Variants in FRMD4B observed in about 807,000 individuals in gnomAD.
The protein encoded by FRMD4B is FERM domain-containing protein 4B.
In FRMD4B, 74 loss-of-function variants were observed where a neutral mutation model predicts 141.5. That is an observed-to-expected ratio of 0.52 (90% CI 0.43 to 0.63). The LOEUF is 0.63. Ranked by LOEUF, FRMD4B falls within the 30% of genes least tolerant of loss-of-function variation. The pLI is 0.00. For missense variants in FRMD4B, 1,366 were observed against 1,253.4 expected (o/e 1.09, Z -1.36); for synonymous variants, 506 against 467.9 (o/e 1.08, Z -1.05).
chr3:69,280,899 A>C (rs2093641726), intron 5 of FRMD4B, among the ~76,000 whole-genome samples: 1 of 151,904 alleles, frequency 6.6e-6, no homozygotes. Flanking sequence ...GATTACAGGC[A>C]TGAGACATCA....
chr3:69,328,936 G>T (rs1256194259), intron 1 of FRMD4B, among the ~76,000 whole-genome samples: 1 of 152,120 alleles, frequency 6.6e-6, no homozygotes, highest in Non-Finnish European at 1.5e-5. Flanking sequence ...GTGCTGCTCT[G>T]CCTATGGAGT....
chr3:69,290,784 TGA>T (rs1700847079), intron 4 of FRMD4B, among the ~76,000 whole-genome samples: 1 of 152,164 alleles, frequency 6.6e-6, no homozygotes, highest in African/African-American at 2.4e-5. Context: ...ACGCAGACTC[TGA>T]GTTTTAGAGA....
In FRMD4B at chr3:69,415,059, T is replaced by G. The variant is rs551479542; in HGVS notation, c.-1+17575A>C. On this transcript the variant is annotated intron_variant, in intron 2 of 5. Transcript: ENST00000459638. Reference sequence around the variant, plus strand: ...GTTTGTATTTTTAGTGGAGATGGGGTTTCACTATGTTGGTCAGGCTGGTGT... The same window carrying G: ...GTTTGTATTTTTAGTGGAGATGGGGGTTCACTATGTTGGTCAGGCTGGTGT... Among the ~76,000 whole-genome samples the G allele has an allele frequency of 4.6e-5, 7 of 151,680 alleles. No homozygotes were observed. The East Asian group carries it at 1.4e-3, about 30-fold the overall frequency.
intron 1 of FRMD4B, among the ~76,000 whole-genome samples, chr3:69,504,207 T>C (rs1389238926): frequency 2.0e-5 from 3 of 152,224 alleles, no homozygotes; most frequent in Non-Finnish European, 4.4e-5. Flanking sequence ...TAACATCTTA[T>C]AGGCTCAGAA....
chr3:69,186,573 A>G (rs1052014213), intron 19 of FRMD4B, among the ~76,000 whole-genome samples: 5 of 152,170 alleles, frequency 3.3e-5, no homozygotes, highest in Admixed American at 1.3e-4. Flanking sequence ...TTAGCCAGGC[A>G]TGATGGCGCG....
chr3:69,496,625 G>A (rs1351915157), intron 1 of FRMD4B, among the ~76,000 whole-genome samples: 2 of 93,310 alleles, frequency 2.1e-5, no homozygotes, highest in African/African-American at 4.8e-5. Flanking sequence ...GAGAGAGAGA[G>A]AGAGAGAGAG....
chr3:69,459,879 T>C (rs778870571), intron 1 of FRMD4B, among the ~76,000 whole-genome samples: 2 of 152,234 alleles, frequency 1.3e-5, no homozygotes, highest in Non-Finnish European at 2.9e-5. Flanking sequence ...ACTGTAGGTG[T>C]CTCTATCTAC....
chr3:69,293,916 A>G (rs1678953762), intron 4 of FRMD4B, among the ~76,000 whole-genome samples: 1 of 146,920 alleles, frequency 6.8e-6, no homozygotes, highest in Non-Finnish European at 1.5e-5. Flanking sequence ...AAATCCAAGT[A>G]TCTTTCCTAA....
chr3:69,267,862 G>T (rs2093575307), intron 5 of FRMD4B, among the ~76,000 whole-genome samples: 1 of 149,786 alleles, frequency 6.7e-6, no homozygotes, highest in South Asian at 2.1e-4. Flanking sequence ...CACACTCGTG[G>T]CCTCAAGTGA....
chr3:69,405,703 G>A lies in FRMD4B; in HGVS notation c.-1+26931C>T, dbSNP rs530208135. On this transcript the variant is annotated intron_variant, in intron 2 of 5. Transcript: ENST00000459638. ...CCGTGACGTTCTAGTTCTGCGATACGCCACAACATCTGGCTCACTCCGATA... is the reference window on the plus strand; with the variant it reads ...CCGTGACGTTCTAGTTCTGCGATACACCACAACATCTGGCTCACTCCGATA... Among the ~76,000 whole-genome samples, 15 of 152,248 alleles carry A rather than the reference G, an allele frequency of 9.9e-5. 1 individual carries two copies. The South Asian group carries it at 2.3e-3, about 23-fold the overall frequency.
intron 1 of FRMD4B, among the ~76,000 whole-genome samples, chr3:69,383,505 T>G (rs1355185753): frequency 6.6e-6 from 1 of 152,246 alleles, no homozygotes; most frequent in Non-Finnish European, 1.5e-5. Context: ...TGTGATAATG[T>G]GACACATTCA....
At position 69,344,993 on chromosome 3, in the gene FRMD4B, G is replaced by A. The variant is rs1287541263; in HGVS notation, c.163-31476C>T. 3.4e-5 allele frequency among the ~76,000 whole-genome samples: 5 copies of A among 145,844 alleles called. No homozygotes were observed. The East Asian group carries it at 8.3e-4, about 24-fold the overall frequency. On this transcript the variant is annotated intron_variant, in intron 1 of 22. Transcript: ENST00000398540. ...GGGGCTTGTAGGACAGTGGGTGCAG[G>A]ACAGTGGGTGCAGCCCACCGAGAGT...
chr3:69,311,767 G>C (rs1056139114), intron 2 of FRMD4B, among the ~76,000 whole-genome samples: 3 of 151,994 alleles, frequency 2.0e-5, no homozygotes, highest in Non-Finnish European at 4.4e-5. Context: ...CTTGTTGGTG[G>C]CCAGTTGAAG....
intron 3 of FRMD4B, among the ~76,000 whole-genome samples, chr3:69,304,418 AG>A (rs1366094455): frequency 7.2e-6 from 1 of 138,316 alleles, no homozygotes; most frequent in African/African-American, 2.7e-5. Flanking sequence ...CAGAAGGCGG[AG>A]GTTGCAGTGA....
At position 69,221,892 on chromosome 3, in the gene FRMD4B, T is replaced by C; in HGVS notation, c.697A>G (p.Ile233Val). 1 of 1,569,530 alleles carries C rather than the reference T, an allele frequency of 6.4e-7. No individual in the cohort carries two copies. Among genetic ancestry groups the C allele is most frequent in the Non-Finnish European group, 8.7e-7 (1 of 1,144,828 alleles). Residue 233 changes from isoleucine to valine, a missense_variant, in exon 9 of 23, where the codon ATC becomes GTC. Coordinates refer to ENST00000398540, the MANE Select transcript of FRMD4B (RefSeq NM_015123.3). ...EDRVIEHYLK[I>V]KGLTRGQAVV... is the part of the protein sequence containing the mutation. ...GCTTGACCTCGAGTGAGACCTTTGA[T>C]TTTCAAATAATGCTCAATTACCCTG...
Position 69,435,551 on chromosome 3 carries a change from G to A in FRMD4B, c.-128-2790C>T, listed in dbSNP as rs538848654. 1.6e-3 allele frequency among the ~76,000 whole-genome samples: 238 copies of A among 152,300 alleles called. 2 individuals carry two copies. Among genetic ancestry groups the A allele is most frequent in the Middle Eastern group, 3.4e-3 (1 of 292 alleles). On this transcript the variant is annotated intron_variant, in intron 1 of 5. Transcript: ENST00000459638. Reference sequence around the variant, plus strand: ...CTATGGCTGTTAGCGAGCTACAACTGCAGAGTTGAATAGTTGTAACAGAAA... The same window carrying A: ...CTATGGCTGTTAGCGAGCTACAACTACAGAGTTGAATAGTTGTAACAGAAA...
At chr3:69,535,539 G>C (rs1701071175) in intron 1 of FRMD4B, 2 of 170,482 alleles carry the variant, frequency 1.2e-5, no homozygotes, top group South Asian at 1.3e-4. Context: ...TGGCGGGCCA[G>C]GGCAGAAGAA....
Position 69,245,872 on chromosome 3 carries a change from T to C in FRMD4B, c.581+3354A>G, listed in dbSNP as rs187128492. On this transcript the variant is annotated intron_variant, in intron 7 of 22. Coordinates refer to ENST00000398540, the MANE Select transcript of FRMD4B (RefSeq NM_015123.3). ...TTTTTTTTTTGAGACAGTTTCACTC[T>C]TGTTGCCCAGGCTGGAGTGCAATGG... is the stretch of plus-strand genomic sequence containing the variant. Among the ~76,000 whole-genome samples the C allele has an allele frequency of 7.1e-4, 94 of 132,688 alleles. 3 individuals carry two copies. In the East Asian group the frequency reaches 0.021, roughly 30 times the overall value. The allele number at this position is 132,688 out of a possible 152,430, so 87.0% of individuals were successfully genotyped here.
At chr3:69,218,118 G>A (rs551196063) in intron 10 of FRMD4B, among the ~76,000 whole-genome samples, 4 of 152,274 alleles carry the variant, frequency 2.6e-5, no homozygotes, top group Middle Eastern at 3.4e-3. Context: ...GAGGTGTTTC[G>A]AAAGAGAATG....
Sources: gnomAD v4.1 joint callset for allele counts (sites outside exome capture counted in the v4.1 genomes callset) on GRCh38, gnomAD v4.1.1 for gene constraint, MANE v1.5 for transcripts, NCBI Gene and HGNC (gene_info 2026-07-23, HGNC 2026-07-21) for gene names.